The following TADA2A variants were observed in gnomAD, a reference collection of about 807,000 sequenced individuals.
TADA2A encodes the protein transcriptional adaptor 2A, also known as transcriptional adapter 2-alpha.
Under a neutral mutation model 67.4 loss-of-function variants are expected in TADA2A, and 38 were observed. That is an observed-to-expected ratio of 0.56 (90% CI 0.44 to 0.74). The LOEUF (loss-of-function observed/expected upper bound fraction) is 0.74, where lower values mean the gene tolerates loss of function less well. Ranked by LOEUF, TADA2A falls within the 30% of genes least tolerant of loss-of-function variation. The pLI is 0.00. For missense variants in TADA2A, 454 were observed against 547.0 expected, an observed-to-expected ratio of 0.83 and a Z score of 1.70; for synonymous variants, 192 against 181.6, an observed-to-expected ratio of 1.06 and a Z score of -0.46.
Position 37,479,257 on chromosome 17 carries a change from T to C in TADA2A, c.*2275T>C, listed in dbSNP as rs574576499. 4 of 152,358 alleles carry C rather than the reference T, an allele frequency of 2.6e-5. No individual in the cohort carries two copies. In the East Asian group the frequency reaches 5.8e-4, roughly 22 times the overall value. 9.4% of individuals were successfully genotyped at this position (152,358 alleles called of 1,614,324 possible). ...GTAAGGACAATGGTGCCAAGAGATT[T>C]ATTTGGCTAGAACACAAGGGGCAGC... On this transcript the variant is annotated 3_prime_UTR_variant, in exon 16 of 16. Coordinates refer to ENST00000615182, the MANE Select transcript of TADA2A (RefSeq NM_001166105.3).
chr17:37,473,693 C>T lies in TADA2A; in HGVS notation c.1073-863C>T, dbSNP rs1597952131. 1.3e-5 allele frequency among the ~76,000 whole-genome samples: 2 copies of T among 152,320 alleles called. 1 individual carries two copies. The highest frequency in any genetic ancestry group is 6.8e-3 in the Middle Eastern group (2 of 294). ...AAAAGTTTTGCTCATCAAGCTTCCC[C>T]TCCTGGCCAGTGACCTCCTACTTGG... On this transcript the variant is annotated intron_variant, in intron 14 of 15. Coordinates refer to ENST00000615182, the MANE Select transcript of TADA2A (RefSeq NM_001166105.3).
At chr17:37,455,370 TTG>T (rs1428511211) in intron 8 of TADA2A, among the ~76,000 whole-genome samples, 31 of 85,956 alleles carry the variant, frequency 3.6e-4, no homozygotes, top group East Asian at 1.4e-3. Flanking sequence ...GTTTTTTTGT[TTG>T]TTTGTTTGTT....
At chr17:37,467,343 C>T in intron 11 of TADA2A, 111 bp from the exon 12 acceptor site, 1 of 802,102 alleles carries the variant, frequency 1.2e-6, no homozygotes, top group South Asian at 1.8e-5. Flanking sequence ...TCCAAATGAA[C>T]TTCCCTAGTC....
At chr17:37,455,102 C>T (rs1293933690) in intron 8 of TADA2A, among the ~76,000 whole-genome samples, 4 of 152,058 alleles carry the variant, frequency 2.6e-5, no homozygotes, top group Admixed American at 1.3e-4. Flanking sequence ...CAAAAAACAC[C>T]AAACTCTCAA....
rs192354710 is a variant in TADA2A, at chr17:37,451,184, C to G, written c.604+6416C>G. 3.9e-5 allele frequency among the ~76,000 whole-genome samples: 6 copies of G among 152,200 alleles called. No individual in the cohort carries two copies. In the East Asian group the frequency reaches 1.2e-3, roughly 29 times the overall value. On this transcript the variant is annotated intron_variant, in intron 8 of 15. Coordinates refer to ENST00000615182, the MANE Select transcript of TADA2A (RefSeq NM_001166105.3). ...CTAGGACAACAGGCACACGCCACCA[C>G]ACTTGGCTAATTTATAAAAAAAATT...
intron 8 of TADA2A, among the ~76,000 whole-genome samples, chr17:37,455,330 A>AT (rs2053356838): frequency 7.4e-6 from 1 of 134,398 alleles, no homozygotes; most frequent in Non-Finnish European, 1.6e-5. Context: ...AAAAAAAAAA[A>AT]CCTGTGGGAG....
In TADA2A at chr17:37,443,999, A is replaced by C. The variant is rs547022334; in HGVS notation, c.532-697A>C. Among the ~76,000 whole-genome samples the C allele has an allele frequency of 2.6e-5, 4 of 152,260 alleles. No individual in the cohort carries two copies. The East Asian group carries it at 7.7e-4, about 29-fold the overall frequency. ...CACCTGTAAATCCCAGCACTTTGGG[A>C]GGCTGAGGCAGGCGGATTGCTTGAG... On this transcript the variant is annotated intron_variant, in intron 7 of 15. Coordinates refer to ENST00000615182, the MANE Select transcript of TADA2A (RefSeq NM_001166105.3).
At chr17:37,454,853 G>A (rs542921340) in intron 8 of TADA2A, 36 of 225,786 alleles carry the variant, frequency 1.6e-4, no homozygotes, top group Admixed American at 6.8e-4. Flanking sequence ...TGAAAAGACC[G>A]CAATGGCTGC....
intron 3 of TADA2A, 32 bp downstream of exon 3, chr17:37,423,647 A>C (rs1313385320): frequency 6.8e-7 from 1 of 1,480,954 alleles, no homozygotes; most frequent in Non-Finnish European, 9.3e-7. Context: ...CTCCTAGCCT[A>C]GTTTTATGCT....
At chr17:37,413,771 G>A (rs2051953676) in intron 2 of TADA2A, among the ~76,000 whole-genome samples, 1 of 151,436 alleles carries the variant, frequency 6.6e-6, no homozygotes, top group African/African-American at 2.4e-5. Context: ...GCCAAATCTA[G>A]TGCTCTCTCC....
chr17:37,470,634 T>A, intron 13 of TADA2A, 102 bp downstream of exon 13: 1 of 1,225,822 alleles, frequency 8.2e-7, no homozygotes, highest in Non-Finnish European at 1.1e-6. Flanking sequence ...AATAATTGAG[T>A]AGCTGGAAGA....
At chr17:37,440,795 C>T (rs1378127257) in intron 6 of TADA2A, 133 bp downstream of exon 6, 7 of 1,165,716 alleles carry the variant, frequency 6.0e-6, no homozygotes, top group Non-Finnish European at 8.4e-6. Flanking sequence ...AGTATGGCAG[C>T]TATTGAGAGT....
chr17:37,478,355 A>G lies in TADA2A; in HGVS notation c.*1373A>G, dbSNP rs994501741. On this transcript the variant is annotated 3_prime_UTR_variant, in exon 16 of 16. Coordinates refer to ENST00000615182, the MANE Select transcript of TADA2A (RefSeq NM_001166105.3). ...ATCACGCTGCACTGTCTGCTGTCAC[A>G]TGTGTCCTGAACTCACCCTGTTTTT... is the stretch of plus-strand genomic sequence containing the variant. 11 of 152,202 alleles carry G rather than the reference A, an allele frequency of 7.2e-5. No individual in the cohort carries two copies. Among genetic ancestry groups the G allele is most frequent in the East Asian group, 3.8e-4 (2 of 5,196 alleles). 9.4% of individuals were successfully genotyped at this position (152,202 alleles called of 1,614,324 possible).
chr17:37,432,161 T>A (rs1311941930), intron 4 of TADA2A, among the ~76,000 whole-genome samples: 2 of 141,560 alleles, frequency 1.4e-5, no homozygotes, highest in East Asian at 2.0e-4. Flanking sequence ...TCAGCTTTTT[T>A]ATTTATTTAT....
intron 10 of TADA2A, 23 bp downstream of exon 10, chr17:37,462,144 A>C (rs776891201): frequency 6.8e-7 from 1 of 1,463,156 alleles, no homozygotes; most frequent in South Asian, 1.2e-5. Context: ...AGTTTTCTTT[A>C]TTTTACAATT....
At chr17:37,446,609 A>AG (rs397956221) in intron 8 of TADA2A, among the ~76,000 whole-genome samples, 1 of 150,708 alleles carries the variant, frequency 6.6e-6, no homozygotes, top group Non-Finnish European at 1.5e-5. Context: ...AAAAAAAAAA[A>AG]CCTTTAAAAC....
chr17:37,430,592 T>A (rs2052540921), intron 4 of TADA2A, among the ~76,000 whole-genome samples: 1 of 152,230 alleles, frequency 6.6e-6, no homozygotes, highest in Non-Finnish European at 1.5e-5. Flanking sequence ...TACCAGTGAT[T>A]CTTAAACTTC....
At chr17:37,410,340 CTTTTTT>C (rs35659950) in intron 1 of TADA2A, among the ~76,000 whole-genome samples, 1 of 142,362 alleles carries the variant, frequency 7.0e-6, no homozygotes, top group Non-Finnish European at 1.5e-5. Context: ...ACCCGGCTAA[CTTTTTT>C]TTTTTTTTTT....
chr17:37,419,172 C>CA (rs575156756), intron 2 of TADA2A, among the ~76,000 whole-genome samples: 1 of 140,140 alleles, frequency 7.1e-6, no homozygotes, highest in African/African-American at 2.6e-5. Context: ...AAAGTAATTG[C>CA]TTTTTTTTTT....
Sources: gnomAD v4.1 joint callset for allele counts (sites outside exome capture counted in the v4.1 genomes callset) on GRCh38, gnomAD v4.1.1 for gene constraint, MANE v1.5 for transcripts, NCBI Gene and HGNC (gene_info 2026-07-23, HGNC 2026-07-21) for gene names.